The following ATOSB variants were observed in gnomAD, a reference collection of about 807,000 sequenced individuals.
ATOSB encodes the protein atos homolog B.
the ATOSB span, among the ~76,000 whole-genome samples, chr9:35,113,968 G>C: frequency 6.4e-4 from 97 of 152,270 alleles, no homozygotes; most frequent in South Asian, 1.0e-3. Context: ...GACATCTGGG[G>C]AATCACAGTC....
chr9:35,109,264 C>T, the ATOSB span: 5,137 of 152,424 alleles, frequency 0.034, 210 homozygotes, highest in East Asian at 0.24. Flanking sequence ...CCTTTCAGCC[C>T]TGAACTCCAA....
chr9:35,104,416 G>C, the ATOSB span: 1 of 168,328 alleles, frequency 5.9e-6, no homozygotes, highest in Non-Finnish European at 1.3e-5. Context: ...GCTTGGCCCT[G>C]ACTCTGCCCC....
chr9:35,108,558 C>A, the ATOSB span: 10 of 1,219,914 alleles, frequency 8.2e-6, no homozygotes, highest in South Asian at 2.5e-4. Context: ...AGGCTTCTTA[C>A]TGGACACACT....
At chr9:35,105,141 T>TG in the ATOSB span, 3 of 1,447,558 alleles carry the variant, frequency 2.1e-6, no homozygotes, top group South Asian at 4.1e-5. This position sits in a 1 kb window ranked among gnomAD's most constrained non-coding sequence, Gnocchi z 5.5. Flanking sequence ...AAGGGTCTCT[T>TG]GCTGTCTCTC....
the ATOSB span, chr9:35,107,581 G>A: frequency 6.3e-7 from 1 of 1,587,614 alleles, no homozygotes; most frequent in Non-Finnish European, 8.6e-7. Flanking sequence ...GGGGGTCCAG[G>A]GCCAGGGGGT....
the ATOSB span, chr9:35,106,673 G>A: frequency 7.7e-5 from 116 of 1,514,586 alleles, no homozygotes; most frequent in Non-Finnish European, 9.9e-5. The surrounding 1 kb of genome is among the most constrained non-coding windows in gnomAD (Gnocchi z 4.6). Context: ...ACAGGGGGTT[G>A]GCTTGAGGTA....
At chr9:35,112,139 C>CT in the ATOSB span, among the ~76,000 whole-genome samples, 14 of 152,210 alleles carry the variant, frequency 9.2e-5, no homozygotes, top group African/African-American at 3.4e-4. Flanking sequence ...AGGTGGGACC[C>CT]TATCTCCTTC....
the ATOSB span, chr9:35,106,535 T>C: frequency 1.6e-5 from 26 of 1,581,422 alleles, no homozygotes; most frequent in Non-Finnish European, 2.1e-5. The surrounding 1 kb of genome is among the most constrained non-coding windows in gnomAD (Gnocchi z 4.6). Flanking sequence ...CAACGGGAGC[T>C]ACCTCAAAGT....
At chr9:35,105,796 T>A in the ATOSB span, 1 of 1,614,102 alleles carries the variant, frequency 6.2e-7, no homozygotes, top group Non-Finnish European at 8.5e-7. The surrounding 1 kb of genome is among the most constrained non-coding windows in gnomAD (Gnocchi z 5.5). Context: ...AGCAGGCATG[T>A]CCGAGAAGTC....
the ATOSB span, chr9:35,107,292 C>CAG: frequency 1.4e-6 from 2 of 1,423,538 alleles, no homozygotes; most frequent in Non-Finnish European, 1.9e-6. Flanking sequence ...CACTGCACTC[C>CAG]AGCAGTGATG....
At chr9:35,110,972 G>T in the ATOSB span, 3 of 152,154 alleles carry the variant, frequency 2.0e-5, no homozygotes, top group Non-Finnish European at 2.9e-5. Context: ...AAGCTAGGGG[G>T]GCTGTTCCCA....
At chr9:35,106,016 G>A in the ATOSB span, 3 of 1,612,310 alleles carry the variant, frequency 1.9e-6, no homozygotes, top group South Asian at 1.1e-5. This position sits in a 1 kb window ranked among gnomAD's most constrained non-coding sequence, Gnocchi z 4.6. Context: ...TGCCCTGGAA[G>A]GCCAGGGAGC....
chr9:35,112,192 G>T, the ATOSB span: 3 of 152,334 alleles, frequency 2.0e-5, no homozygotes, highest in African/African-American at 4.8e-5. Flanking sequence ...CTCTTAAATT[G>T]ATGTTCTTTT....
the ATOSB span, among the ~76,000 whole-genome samples, chr9:35,113,229 C>T: frequency 6.6e-6 from 1 of 152,164 alleles, no homozygotes; most frequent in Non-Finnish European, 1.5e-5. Context: ...TACCATAGGC[C>T]AGGCCTTGGT....
the ATOSB span, chr9:35,104,932 T>A: frequency 3.4e-6 from 1 of 294,922 alleles, no homozygotes; most frequent in African/African-American, 2.2e-5. Context: ...AACGCTGGCA[T>A]AACTTGCCTG....
At chr9:35,108,203 C>T in the ATOSB span, 1 of 1,594,280 alleles carries the variant, frequency 6.3e-7, no homozygotes. Flanking sequence ...GGGCCCCCTG[C>T]CTGACTGGAG....
the ATOSB span, chr9:35,108,695 G>A: frequency 1.0e-6 from 1 of 1,001,334 alleles, no homozygotes; most frequent in South Asian, 4.3e-5. Flanking sequence ...CACTGGCAAG[G>A]TGACTGCCAC....
chr9:35,106,373 T>G, the ATOSB span: 3 of 1,614,170 alleles, frequency 1.9e-6, no homozygotes, highest in Non-Finnish European at 2.5e-6. This position sits in a 1 kb window ranked among gnomAD's most constrained non-coding sequence, Gnocchi z 4.6. Flanking sequence ...GCCCTCAATG[T>G]GGCCAGATGG....
At chr9:35,108,137 C>A in the ATOSB span, 1 of 1,575,680 alleles carries the variant, frequency 6.3e-7, no homozygotes, top group Non-Finnish European at 8.6e-7. Flanking sequence ...CCTGGTAGAC[C>A]CCGGGGGATG....
Sources: gnomAD v4.1 joint callset for allele counts (sites outside exome capture counted in the v4.1 genomes callset) on GRCh38, gnomAD v4.1.1 for gene constraint, Gnocchi (gnomAD v3.1) non-coding constraint, MANE v1.5 for transcripts, NCBI Gene and HGNC (gene_info 2026-07-23, HGNC 2026-07-21) for gene names.